CHST11: variants seen among roughly 807,000 people sequenced by gnomAD.
CHST11 encodes carbohydrate sulfotransferase 11, also known as C4S-1.
A neutral mutation model predicts 30.4 loss-of-function variants in CHST11; 9 were observed. That is an observed-to-expected ratio of 0.30 (90% CI 0.18 to 0.52). The LOEUF (loss-of-function observed/expected upper bound fraction) is 0.52. CHST11 is among the 20% of genes least tolerant of loss of function. The pLI, the probability that CHST11 is intolerant of heterozygous loss-of-function variation, is 0.97. For synonymous variants in CHST11, 152 were observed against 187.8 expected, an observed-to-expected ratio of 0.81 and a Z score of 1.56; for missense variants, 348 against 460.6, an observed-to-expected ratio of 0.76 and a Z score of 2.24.
At chr12:104,527,915 C>G (rs113131186) in intron 1 of CHST11, among the ~76,000 whole-genome samples, 15,489 of 152,172 alleles carry the variant, frequency 0.1, 1,172 homozygotes, top group Middle Eastern at 0.16. Flanking sequence ...AAGTACCACA[C>G]TTTACAACCA....
intron 2 of CHST11, among the ~76,000 whole-genome samples, chr12:104,667,090 G>A (rs193115551): frequency 2.0e-4 from 30 of 152,274 alleles, no homozygotes; most frequent in Non-Finnish European, 2.8e-4. Flanking sequence ...TAAATGATAC[G>A]AAGTTATTTT....
intron 1 of CHST11, among the ~76,000 whole-genome samples, chr12:104,532,632 A>T (rs1488538594): frequency 1.3e-5 from 2 of 152,096 alleles, no homozygotes; most frequent in Non-Finnish European, 2.9e-5. Flanking sequence ...CATTTGTTTT[A>T]AAAATAGCCA....
chr12:104,737,822 G>A (rs1046940354), intron 2 of CHST11, among the ~76,000 whole-genome samples: 6 of 152,152 alleles, frequency 3.9e-5, no homozygotes, highest in African/African-American at 1.4e-4. Flanking sequence ...GCATGGGGAG[G>A]TGAAAGATGA....
At chr12:104,603,973 A>C (rs1004827461) in intron 2 of CHST11, among the ~76,000 whole-genome samples, 1 of 151,998 alleles carries the variant, frequency 6.6e-6, no homozygotes, top group African/African-American at 2.4e-5. Context: ...TGTTACATGT[A>C]CCTAGGAACA....
chr12:104,474,001 A>C (rs368658277), intron 1 of CHST11, among the ~76,000 whole-genome samples: 6 of 152,142 alleles, frequency 3.9e-5, no homozygotes, highest in African/African-American at 1.4e-4. Flanking sequence ...AAAGAAACTA[A>C]TATAATGTAA....
chr12:104,562,938 C>T (rs567712899), intron 1 of CHST11, among the ~76,000 whole-genome samples: 1 of 152,320 alleles, frequency 6.6e-6, no homozygotes, highest in African/African-American at 2.4e-5. Flanking sequence ...TGTTGGCTTA[C>T]CATTTTGGTG....
chr12:104,638,503 G>A (rs1206162187), intron 2 of CHST11, among the ~76,000 whole-genome samples: 1 of 152,162 alleles, frequency 6.6e-6, no homozygotes, highest in Non-Finnish European at 1.5e-5. Flanking sequence ...GCATCCAACT[G>A]CCACTTGAAT....
intron 1 of CHST11, among the ~76,000 whole-genome samples, chr12:104,535,120 A>G (rs1820487882): frequency 6.6e-6 from 1 of 152,214 alleles, no homozygotes; most frequent in African/African-American, 2.4e-5. Context: ...GTAAATCTGA[A>G]AAGATTGTAC....
chr12:104,632,107 C>A (rs1032472561), intron 2 of CHST11, among the ~76,000 whole-genome samples: 1 of 152,166 alleles, frequency 6.6e-6, no homozygotes, highest in Non-Finnish European at 1.5e-5. Context: ...AGAGCCCCGT[C>A]CCCGAGGTGT....
chr12:104,633,999 T>G (rs1184168643), intron 2 of CHST11, among the ~76,000 whole-genome samples: 1 of 152,240 alleles, frequency 6.6e-6, no homozygotes, highest in Non-Finnish European at 1.5e-5. Context: ...CTTTTGCTTT[T>G]CTTTTATAGC....
At chr12:104,641,155 T>A (rs972689588) in intron 2 of CHST11, among the ~76,000 whole-genome samples, 4 of 152,172 alleles carry the variant, frequency 2.6e-5, no homozygotes, top group Non-Finnish European at 4.4e-5. Context: ...CCCTTCCTGC[T>A]GAAAGCCACT....
At chr12:104,466,788 A>G (rs12823049) in intron 1 of CHST11, among the ~76,000 whole-genome samples, 1 of 152,218 alleles carries the variant, frequency 6.6e-6, no homozygotes, top group South Asian at 2.1e-4. Context: ...GCATATTACT[A>G]CCATTATCTA....
At chr12:104,672,493 A>T (rs996588256) in intron 2 of CHST11, among the ~76,000 whole-genome samples, 3 of 152,246 alleles carry the variant, frequency 2.0e-5, no homozygotes, top group Non-Finnish European at 4.4e-5. Context: ...TTTATCAGCT[A>T]TCCCATGCCT....
intron 1 of CHST11, among the ~76,000 whole-genome samples, chr12:104,459,482 C>CTTCA (rs1410809725): frequency 2.0e-5 from 3 of 152,234 alleles, no homozygotes; most frequent in Non-Finnish European, 4.4e-5. Flanking sequence ...GAGTGTCAGC[C>CTTCA]TTCAGCAGGA....
chr12:104,683,632 G>C (rs1221205727), intron 2 of CHST11, among the ~76,000 whole-genome samples: 2 of 152,202 alleles, frequency 1.3e-5, no homozygotes, highest in Non-Finnish European at 2.9e-5. Context: ...TCATGGGGCA[G>C]ATCTTTGATT....
At chr12:104,602,637 G>GGT (rs1256365527) in intron 2 of CHST11, among the ~76,000 whole-genome samples, 2 of 152,174 alleles carry the variant, frequency 1.3e-5, no homozygotes, top group African/African-American at 4.8e-5. Flanking sequence ...CAGCCTCAGT[G>GGT]GTGTGTGTGG....
intron 2 of CHST11, among the ~76,000 whole-genome samples, chr12:104,636,205 G>A (rs1471117910): frequency 6.6e-6 from 1 of 152,186 alleles, no homozygotes; most frequent in African/African-American, 2.4e-5. Context: ...TCATTTCTGT[G>A]TTGTTCAGTG....
At chr12:104,601,416 T>C (rs993572416) in intron 1 of CHST11, among the ~76,000 whole-genome samples, 10 of 152,212 alleles carry the variant, frequency 6.6e-5, no homozygotes, top group African/African-American at 2.2e-4. Flanking sequence ...TTGGGGAGGC[T>C]GGGCCTCTGA....
At chr12:104,476,324 CATATA>C (rs1236500868) in intron 1 of CHST11, among the ~76,000 whole-genome samples, 2 of 150,440 alleles carry the variant, frequency 1.3e-5, no homozygotes, top group Non-Finnish European at 3.0e-5. Context: ...GTTATACACA[CATATA>C]ATATATACAC....
Sources: allele counts gnomAD v4.1 joint callset (sites outside exome capture counted in the v4.1 genomes callset), GRCh38; gene constraint gnomAD v4.1.1; transcripts MANE v1.5; gene names NCBI Gene and HGNC (gene_info 2026-07-23, HGNC 2026-07-21).